The following TASOR variants were observed in gnomAD, a reference collection of about 807,000 sequenced individuals.
The protein encoded by TASOR is transcription activation suppressor, also known as protein TASOR.
TASOR carries 53 observed loss-of-function variants against 178.6 expected under a neutral mutation model. The ratio of observed to expected loss-of-function variants is 0.30; its 90% CI spans 0.24 to 0.37. TASOR has a LOEUF of 0.37. TASOR is among the 10% of genes least tolerant of loss of function. TASOR has a pLI of 1.00. For missense variants in TASOR, 1,815 were observed against 1,971.4 expected, an observed-to-expected ratio of 0.92 and a Z score of 1.50; for synonymous variants, 713 against 696.2, an observed-to-expected ratio of 1.02 and a Z score of -0.38.
chr3:56,649,160 A>C (rs2077298237), intron 11 of TASOR, 103 bp from the exon 12 acceptor site: 2 of 768,416 alleles, frequency 2.6e-6, no homozygotes, highest in Non-Finnish European at 3.9e-6. Flanking sequence ...AAAAGTTCTT[A>C]ATCATCTTTT....
rs193282336 is a variant in TASOR at position 56,651,625 on chromosome 3, G to T, written c.1369-2568C>A. Among the ~76,000 whole-genome samples the T allele has an allele frequency of 2.5e-4, 38 of 151,974 alleles. 1 individual carries two copies. In the East Asian group the frequency reaches 7.0e-3, roughly 28 times the overall value. ...TAAGGTGGGAGAATTGCCTGATCCT[G>T]AGAGTTCAAGCTGTGAAGCTGTGAT... On this transcript the variant is annotated intron_variant, in intron 11 of 23. Transcript: ENST00000683822.
In TASOR at chr3:56,632,348, G is replaced by A. The variant is rs371503331; in HGVS notation, c.3747+696C>T. On this transcript the variant is annotated intron_variant, in intron 18 of 23. Coordinates refer to ENST00000683822, the MANE Select transcript of TASOR (RefSeq NM_001365635.2). ...AAATTAGCCAGGCATGGTGTGGCAC[G>A]CCTGTAATCCCAGCTACCTCGGAGG... Among the ~76,000 whole-genome samples, 25 of 151,950 alleles carry A rather than the reference G, an allele frequency of 1.6e-4. 1 individual carries two copies. The East Asian group carries it at 2.7e-3, about 16-fold the overall frequency.
intron 17 of TASOR, among the ~76,000 whole-genome samples, 161 bp downstream of exon 17, chr3:56,638,545 C>G (rs1193799046): frequency 6.6e-6 from 1 of 152,068 alleles, no homozygotes; most frequent in Admixed American, 6.6e-5. Context: ...ATAGTGGATA[C>G]AACTCAAGTA....
chr3:56,621,816 AG>A lies in TASOR; in HGVS notation c.*1220del. ...GATACTTCTTTTGTAAAAGCTTAGTAGTAAAAAAAAAAAAAAAAAAACCGGT... is the reference window on the plus strand; with the variant it reads ...GATACTTCTTTTGTAAAAGCTTAGTATAAAAAAAAAAAAAAAAAAACCGGT... On this transcript the variant is annotated 3_prime_UTR_variant, in exon 24 of 24. Coordinates refer to ENST00000683822, the MANE Select transcript of TASOR (RefSeq NM_001365635.2). The A allele has an allele frequency of 1.3e-4, 23 of 175,610 alleles. No homozygotes were observed. Among genetic ancestry groups the A allele is most frequent in the Middle Eastern group, 2.3e-3 (1 of 426 alleles). 10.9% of individuals were successfully genotyped at this position (175,610 alleles called of 1,614,324 possible).
chr3:56,683,067 AGGGGCGGC>A lies in TASOR; in HGVS notation c.-69_-62del. The A allele has an allele frequency of 7.1e-7, 1 of 1,407,972 alleles. No homozygotes were observed. The highest frequency in any genetic ancestry group is 1.4e-5 in the South Asian group (1 of 69,096). 87.2% of individuals were successfully genotyped at this position (1,407,972 alleles called of 1,614,324 possible). A position where few individuals can be genotyped will look rare whatever the true frequency, so the allele number is the denominator to read the frequency against. On this transcript the variant is annotated 5_prime_UTR_variant, in exon 1 of 24. Coordinates refer to ENST00000683822, the MANE Select transcript of TASOR (RefSeq NM_001365635.2). ...CACAAGGTCGACGGGTGTGGGGGGAAGGGGCGGCGGGCCAGTCTCGCCGCCGAGCTGCT... is the reference window on the plus strand; with the variant it reads ...CACAAGGTCGACGGGTGTGGGGGGAAGGGCCAGTCTCGCCGCCGAGCTGCT...
intron 14 of TASOR, among the ~76,000 whole-genome samples, chr3:56,642,296 A>G (rs1324666554): frequency 6.6e-6 from 1 of 152,248 alleles, no homozygotes; most frequent in Non-Finnish European, 1.5e-5. Context: ...ATCACCCTGA[A>G]GAAATCTCCA....
At chr3:56,681,700 T>A (rs1202180686) in intron 1 of TASOR, among the ~76,000 whole-genome samples, 1 of 152,210 alleles carries the variant, frequency 6.6e-6, no homozygotes, top group Non-Finnish European at 1.5e-5. Flanking sequence ...AAGGAAGTTG[T>A]CTAAATTCAG....
intron 18 of TASOR, among the ~76,000 whole-genome samples, chr3:56,630,931 G>A (rs2076898974): frequency 6.9e-6 from 1 of 144,386 alleles, no homozygotes; most frequent in South Asian, 2.4e-4. Flanking sequence ...GGGGGGTGGG[G>A]GGTGCGGGGA....
In TASOR at chr3:56,673,706, A is replaced by C; in HGVS notation, c.351T>G (p.Thr117=). 6.5e-7 allele frequency: 1 copy of C among 1,547,870 alleles called. No individual in the cohort carries two copies. Among genetic ancestry groups the C allele is most frequent in the Non-Finnish European group, 8.7e-7 (1 of 1,145,956 alleles). The part of the protein sequence containing the change: ...REKKALFQPL[T]PGSREFEDVV... ...CATCTTCAAATTCTCGAGAGCCTGG[A>C]GTTAATGGCTGGAAAAGTGCTAAAA... The change falls in exon 2 of 24, where the codon ACT becomes ACG. Residue 117 remains threonine (T), a synonymous_variant. Coordinates refer to ENST00000683822, the MANE Select transcript of TASOR (RefSeq NM_001365635.2).
At chr3:56,623,655 C>T (rs1013488388) in intron 23 of TASOR, 89 bp from the exon 24 acceptor site, 24 of 1,544,366 alleles carry the variant, frequency 1.6e-5, no homozygotes, top group African/African-American at 1.2e-4. Flanking sequence ...CAATATAACG[C>T]GTCAGGGTCT....
chr3:56,668,529 C>T lies in TASOR; in HGVS notation c.765G>A (p.Met255Ile), dbSNP rs1474747008. ...KGKIKSIYDP[M>I]GVKSLESMLN... The stretch of plus-strand genomic sequence containing the variant: ...ACATAGATTCCAAACTTTTTACACC[C>T]ATGGGGTCATATATACTCTTTATTT... The change falls in exon 6 of 24, where the codon ATG becomes ATA. Residue 255 changes from methionine (M) to isoleucine (I), a missense_variant. Physicochemically the swap from Met to Ile is conservative, Grantham distance 10. Coordinates refer to ENST00000683822, the MANE Select transcript of TASOR (RefSeq NM_001365635.2). The T allele has an allele frequency of 6.4e-7, 1 of 1,551,320 alleles. No individual in the cohort carries two copies. The highest frequency in any genetic ancestry group is 2.4e-5 in the East Asian group (1 of 40,920).
At chr3:56,631,502 C>CCTA (rs1559817198) in intron 18 of TASOR, among the ~76,000 whole-genome samples, 1 of 152,066 alleles carries the variant, frequency 6.6e-6, no homozygotes, top group Non-Finnish European at 1.5e-5. Context: ...CATTTACCTA[C>CCTA]CTACTGGTAA....
At chr3:56,649,831 G>A (rs983526748) in intron 11 of TASOR, among the ~76,000 whole-genome samples, 1 of 152,220 alleles carries the variant, frequency 6.6e-6, no homozygotes, top group African/African-American at 2.4e-5. Context: ...AACACCATGA[G>A]CAAAGGTGAG....
At position 56,628,634 on chromosome 3, in the gene TASOR, A is replaced by G. The variant is rs990202624; in HGVS notation, c.3748-20T>C. 6.8e-7 allele frequency: 1 copy of G among 1,471,550 alleles called. No homozygotes were observed. The highest frequency in any genetic ancestry group is 1.4e-5 in the African/African-American group (1 of 70,606). The allele number at this position is 1,471,550 out of a possible 1,614,324, so 91.2% of individuals were successfully genotyped here. A position where few individuals can be genotyped will look rare whatever the true frequency, so the allele number is the denominator to read the frequency against. On this transcript the variant is annotated intron_variant, in intron 18 of 23. Coordinates refer to ENST00000683822, the MANE Select transcript of TASOR (RefSeq NM_001365635.2). Reference sequence around the variant, plus strand: ...ATATTCCTGTTAAAGAAAAACAACTAAATCAATATTAAAATACTTCTTTGT... The same window carrying G: ...ATATTCCTGTTAAAGAAAAACAACTGAATCAATATTAAAATACTTCTTTGT...
At chr3:56,639,255 T>C (rs1213788351) in intron 16 of TASOR, among the ~76,000 whole-genome samples, 2 of 152,194 alleles carry the variant, frequency 1.3e-5, no homozygotes, top group Non-Finnish European at 1.5e-5. Flanking sequence ...GCTATTGTTT[T>C]TAAAAGGTTA....
intron 17 of TASOR, 70 bp downstream of exon 17, chr3:56,638,635 AG>A: frequency 6.7e-7 from 1 of 1,487,870 alleles, no homozygotes. Context: ...CTATTGATGG[AG>A]TATCAGAAAT....
intron 2 of TASOR, among the ~76,000 whole-genome samples, chr3:56,672,124 G>A (rs1038974289): frequency 1.3e-5 from 2 of 152,140 alleles, no homozygotes; most frequent in Non-Finnish European, 2.9e-5. Flanking sequence ...TCAATGCCAA[G>A]CACATAAGAT....
rs533317087 is a variant in TASOR, at chr3:56,651,642, A to G, written c.1369-2585T>C. 4.6e-5 allele frequency among the ~76,000 whole-genome samples: 7 copies of G among 152,114 alleles called. No homozygotes were observed. In the East Asian group the frequency reaches 1.4e-3, roughly 29 times the overall value. ...CTGATCCTGAGAGTTCAAGCTGTGAAGCTGTGATTGTGCCACGCACTATAG... is the reference window on the plus strand; with the variant it reads ...CTGATCCTGAGAGTTCAAGCTGTGAGGCTGTGATTGTGCCACGCACTATAG... On this transcript the variant is annotated intron_variant, in intron 11 of 23. Transcript: ENST00000683822.
chr3:56,627,107 T>C lies in TASOR; in HGVS notation c.4069A>G (p.Ser1357Gly), dbSNP rs2076815693. The change falls in exon 21 of 24, where the codon AGT (serine) becomes GGT (glycine). Residue 1357 changes from serine (S) to glycine (G), a missense_variant. By Grantham distance (56) the Ser-to-Gly change is moderately conservative. Transcript: ENST00000683822. ...KNFLTFLEEL[S>G]TPEGKWQWKV... ...CATTGCCATTTTCCTTCTGGAGTACTAAGTTCCTCAAGGAATGTCAAAAAA... is the reference window on the plus strand; with the variant it reads ...CATTGCCATTTTCCTTCTGGAGTACCAAGTTCCTCAAGGAATGTCAAAAAA... 6.2e-7 allele frequency: 1 copy of C among 1,612,456 alleles called. No homozygotes were observed. The highest frequency in any genetic ancestry group is 1.1e-5 in the South Asian group (1 of 90,768).
Sources: gnomAD v4.1 joint callset for allele counts (sites outside exome capture counted in the v4.1 genomes callset) on GRCh38, gnomAD v4.1.1 for gene constraint, MANE v1.5 for transcripts, NCBI Gene and HGNC (gene_info 2026-07-23, HGNC 2026-07-21) for gene names.